TBC1D22B: variants seen among roughly 807,000 people sequenced by gnomAD.
TBC1D22B encodes chromosome 6 open reading frame 197.
A neutral mutation model predicts 69.1 loss-of-function variants in TBC1D22B; 32 were observed. The ratio of observed to expected loss-of-function variants is 0.46; its 90% CI spans 0.35 to 0.62. TBC1D22B has a LOEUF of 0.62. Ranked by LOEUF, TBC1D22B falls within the 20% of genes least tolerant of loss-of-function variation. TBC1D22B has a pLI of 0.00. For missense variants in TBC1D22B, 462 were observed against 630.9 expected (o/e 0.73, Z 2.87); for synonymous variants, 206 against 229.8 (o/e 0.90, Z 0.94).
chr6:37,296,489 C>T (rs1767376469), intron 8 of TBC1D22B, among the ~76,000 whole-genome samples: 1 of 152,036 alleles, frequency 6.6e-6, no homozygotes, highest in Non-Finnish European at 1.5e-5. Context: ...GTTGGGACTA[C>T]AGGGGAGTGC....
intron 1 of TBC1D22B, among the ~76,000 whole-genome samples, chr6:37,260,250 T>G (rs1167930518): frequency 6.6e-6 from 1 of 152,196 alleles, no homozygotes; most frequent in African/African-American, 2.4e-5. Context: ...AACTTTCTCC[T>G]GGGTGGGGAA....
intron 6 of TBC1D22B, among the ~76,000 whole-genome samples, chr6:37,286,186 T>C (rs1766999767): frequency 6.6e-6 from 1 of 152,248 alleles, no homozygotes; most frequent in South Asian, 2.1e-4. Context: ...GGAGGTTTCC[T>C]CACTGTTTAA....
At chr6:37,263,120 T>C (rs894916503) in intron 1 of TBC1D22B, among the ~76,000 whole-genome samples, 1 of 152,194 alleles carries the variant, frequency 6.6e-6, no homozygotes, top group African/African-American at 2.4e-5. Context: ...TTACTAAATA[T>C]TGTTAAGTGC....
intron 5 of TBC1D22B, 85 bp from the exon 6 acceptor site, chr6:37,284,251 C>T: frequency 6.2e-7 from 1 of 1,600,838 alleles, no homozygotes. Context: ...TTGGTAGTTT[C>T]CAAACCACTG....
chr6:37,272,367 T>C (rs1766514668), intron 2 of TBC1D22B, among the ~76,000 whole-genome samples: 1 of 150,598 alleles, frequency 6.6e-6, no homozygotes, highest in South Asian at 2.1e-4. Context: ...GTCCAGCCTT[T>C]TTTTTTTTTT....
chr6:37,259,760 C>G (rs1441264746), intron 1 of TBC1D22B, among the ~76,000 whole-genome samples: 2 of 151,976 alleles, frequency 1.3e-5, no homozygotes, highest in African/African-American at 4.8e-5. Flanking sequence ...TGTGTGTGAC[C>G]AAGACAAATA....
At chr6:37,318,237 T>G (rs1022300559) in intron 12 of TBC1D22B, among the ~76,000 whole-genome samples, 2 of 152,186 alleles carry the variant, frequency 1.3e-5, no homozygotes, top group Non-Finnish European at 1.5e-5. Flanking sequence ...GGCCAGATTT[T>G]GGATCTGTTT....
At chr6:37,292,101 G>A (rs1173241513) in intron 8 of TBC1D22B, among the ~76,000 whole-genome samples, 2 of 152,168 alleles carry the variant, frequency 1.3e-5, no homozygotes, top group Non-Finnish European at 2.9e-5. Flanking sequence ...CCTCATGTAG[G>A]AATAAGAACA....
chr6:37,267,235 T>C (rs73419851), intron 1 of TBC1D22B, among the ~76,000 whole-genome samples: 4,719 of 150,120 alleles, frequency 0.031, 239 homozygotes, highest in African/African-American at 0.11. Context: ...ATGCTTGCCC[T>C]TTTAAAAATA....
chr6:37,258,683 A>T (rs924608869), intron 1 of TBC1D22B, among the ~76,000 whole-genome samples: 2 of 151,744 alleles, frequency 1.3e-5, no homozygotes, highest in Admixed American at 1.3e-4. Context: ...TGGAGAGCAG[A>T]CCCCCTAAGA....
intron 8 of TBC1D22B, among the ~76,000 whole-genome samples, chr6:37,297,404 A>G (rs1220911886): frequency 6.6e-6 from 1 of 152,184 alleles, no homozygotes; most frequent in Non-Finnish European, 1.5e-5. Flanking sequence ...ACTATTTGCA[A>G]AGAACTTGGA....
intron 6 of TBC1D22B, among the ~76,000 whole-genome samples, chr6:37,285,300 T>C (rs1308407219): frequency 6.7e-6 from 1 of 149,276 alleles, no homozygotes; most frequent in African/African-American, 2.5e-5. Flanking sequence ...GCCAACTCCT[T>C]TTGGTCCTTC....
chr6:37,263,550 A>G (rs73419832), intron 1 of TBC1D22B, among the ~76,000 whole-genome samples: 4,847 of 152,276 alleles, frequency 0.032, 243 homozygotes, highest in African/African-American at 0.11. Flanking sequence ...GACTGCAATT[A>G]GGGCATCAGT....
chr6:37,325,369 G>C (rs1216393307), intron 12 of TBC1D22B, among the ~76,000 whole-genome samples: 1 of 151,774 alleles, frequency 6.6e-6, no homozygotes, highest in Admixed American at 6.6e-5. Flanking sequence ...TCCTCCTCCT[G>C]ACTATAGTAT....
At chr6:37,270,015 T>C (rs544859232) in intron 2 of TBC1D22B, among the ~76,000 whole-genome samples, 4 of 152,362 alleles carry the variant, frequency 2.6e-5, no homozygotes, top group Admixed American at 6.5e-5. Flanking sequence ...TCACTGCTTC[T>C]GAATATAGAT....
chr6:37,317,032 A>C (rs1180808265), intron 11 of TBC1D22B, 79 bp from the exon 12 acceptor site: 1 of 1,496,160 alleles, frequency 6.7e-7, no homozygotes. Context: ...CCCACCTCCC[A>C]GAAGGAATGG....
chr6:37,311,363 A>G (rs968817523), intron 8 of TBC1D22B, among the ~76,000 whole-genome samples: 15 of 151,980 alleles, frequency 9.9e-5, no homozygotes, highest in African/African-American at 3.4e-4. Flanking sequence ...AGGTCTTAGT[A>G]ACAATGCTTA....
chr6:37,326,118 A>G (rs1228960248), intron 12 of TBC1D22B, among the ~76,000 whole-genome samples: 2 of 152,120 alleles, frequency 1.3e-5, no homozygotes, highest in East Asian at 1.9e-4. Flanking sequence ...GCGGTGGCTC[A>G]CGCCTGTAAT....
chr6:37,327,370 C>T lies in TBC1D22B; in HGVS notation c.1390-3674C>T, dbSNP rs919703457. Among the ~76,000 whole-genome samples the T allele has an allele frequency of 8.4e-5, 10 of 119,310 alleles. 1 individual carries two copies. Among genetic ancestry groups the T allele is most frequent in the East Asian group, 2.5e-4 (1 of 3,980 alleles). The allele number at this position is 119,310 out of a possible 152,430, so 78.3% of individuals were successfully genotyped here. On this transcript the variant is annotated intron_variant, in intron 12 of 12. Coordinates refer to ENST00000373491, the MANE Select transcript of TBC1D22B (RefSeq NM_017772.4). ...GTGGGCGCCTGTAGTCCCAGCTGCT[C>T]GGGAGGCTGAGGCAGGAGAATGGCG...
Sources: gnomAD v4.1 joint callset for allele counts (sites outside exome capture counted in the v4.1 genomes callset) on GRCh38, gnomAD v4.1.1 for gene constraint, MANE v1.5 for transcripts, NCBI Gene and HGNC (gene_info 2026-07-23, HGNC 2026-07-21) for gene names.